Variants in PIP5K1C observed in about 807,000 individuals in gnomAD.
The protein encoded by PIP5K1C is phosphatidylinositol 4-phosphate 5-kinase type-1 gamma.
Under a neutral mutation model 80.1 loss-of-function variants are expected in PIP5K1C, and 45 were observed. That is an observed-to-expected ratio of 0.56 (90% CI 0.44 to 0.72). PIP5K1C has a LOEUF of 0.72. Among genes scored for constraint, PIP5K1C ranks in the 30% least tolerant of loss-of-function variants. PIP5K1C has a pLI of 0.00. For missense variants in PIP5K1C, 753 were observed against 954.6 expected (o/e 0.79, Z 2.78); for synonymous variants, 498 against 420.1 (o/e 1.19, Z -2.27).
rs978072943 is a variant in PIP5K1C at position 3,696,752 on chromosome 19, C to G, written c.94+3545G>C. Among the ~76,000 whole-genome samples the G allele has an allele frequency of 9.0e-6, 1 of 111,160 alleles. No homozygotes were observed. Among genetic ancestry groups the G allele is most frequent in the African/African-American group, 3.4e-5 (1 of 29,052 alleles). The allele number at this position is 111,160 out of a possible 152,430, so 72.9% of individuals were successfully genotyped here. A position where few individuals can be genotyped will look rare whatever the true frequency, so the allele number is the denominator to read the frequency against. On this transcript the variant is annotated intron_variant, in intron 1 of 17. Transcript: ENST00000335312. This position sits in a 1 kb window ranked among gnomAD's most constrained non-coding sequence, Gnocchi z 4.1. ...AGTGCGGAGGGGAGGGCAGGGAGGG[C>G]AGGGAGGGCCCGGGGCAGGCTGTGC...
intron 16 of PIP5K1C, chr19:3,636,833 C>T: frequency 1.0e-6 from 1 of 991,320 alleles, no homozygotes. Flanking sequence ...CTGTGCGGTG[C>T]TGGGCAGGTC....
rs141889838 is a variant in PIP5K1C, at chr19:3,651,992, G to A, written c.961C>T (p.Leu321=). ...SFKIMDYSLL[L]GVHNIDQHER... ...TGCTGGTCGATGTTGTGCACGCCCA[G>A]CAGCAGGCTGTAGTCCATGATCTTG... Residue 321 remains leucine (L), a synonymous_variant, in exon 8 of 18, where the codon CTG becomes TTG. Coordinates refer to ENST00000335312, the MANE Select transcript of PIP5K1C (RefSeq NM_012398.3). 4.3e-6 allele frequency: 7 copies of A among 1,613,086 alleles called. No homozygotes were observed. The highest frequency in any genetic ancestry group is 1.1e-5 in the South Asian group (1 of 91,094).
chr19:3,690,321 A>T (rs1294595932), intron 1 of PIP5K1C, among the ~76,000 whole-genome samples: 1 of 151,940 alleles, frequency 6.6e-6, no homozygotes. Context: ...ACATGGGAAG[A>T]CCCTGTCTCC....
chr19:3,633,205 G>A (rs2033522913), intron 17 of PIP5K1C, 36 bp from the exon 18 acceptor site: 1 of 756,432 alleles, frequency 1.3e-6, no homozygotes, highest in Non-Finnish European at 2.5e-6. Flanking sequence ...GGTGGGCGGG[G>A]CGAGGGCCCA....
rs558843100 is a variant in PIP5K1C, at chr19:3,660,067, G to C, written c.468+899C>G. 7.0e-4 allele frequency among the ~76,000 whole-genome samples: 107 copies of C among 152,278 alleles called. 1 individual carries two copies. The highest frequency in any genetic ancestry group is 2.4e-3 in the African/African-American group (101 of 41,554). On this transcript the variant is annotated intron_variant, in intron 5 of 17. Coordinates refer to ENST00000335312, the MANE Select transcript of PIP5K1C (RefSeq NM_012398.3). ...GTGGTGATGGCGCAGGTTGGATGCC[G>C]GGGCTCACGCCTGGAATCCCAGCAC... is the stretch of plus-strand genomic sequence containing the variant.
intron 11 of PIP5K1C, among the ~76,000 whole-genome samples, chr19:3,644,846 C>T (rs940150805): frequency 4.6e-5 from 7 of 152,198 alleles, no homozygotes; most frequent in Non-Finnish European, 4.4e-5. Context: ...TCACCAAGCT[C>T]TTGTGACCTC....
rs1252391771 is a variant in PIP5K1C, at chr19:3,648,543, T to C, written c.1211+82A>G. On this transcript the variant is annotated intron_variant, in intron 9 of 17. Transcript: ENST00000335312. This position sits in a 1 kb window ranked among gnomAD's most constrained non-coding sequence, Gnocchi z 4.3. The stretch of plus-strand genomic sequence containing the variant: ...GGCTGCAGACCCGGGCGCCCACCTG[T>C]GGGGCTGCAGACCCGGGCGCCCACC... 9.2e-7 allele frequency: 1 copy of C among 1,081,440 alleles called. No individual in the cohort carries two copies. Among genetic ancestry groups the C allele is most frequent in the Admixed American group, 1.8e-5 (1 of 56,416 alleles). 67.0% of individuals were successfully genotyped at this position (1,081,440 alleles called of 1,614,324 possible).
chr19:3,633,441 T>C lies in PIP5K1C; in HGVS notation c.2000A>G (p.Asp667Gly). ...QAPPASDGESDT is the reference protein window; with the variant it reads ...QAPPASDGESGT ...GTGCACCTGGGCTGCACTTACTGTG[T>C]CGCTCTCGCCGTCGGAGGCCGGGGG... Residue 667 changes from aspartate to glycine, a missense_variant, in exon 17 of 18, where the codon GAC becomes GGC. By Grantham distance (94) the Asp-to-Gly change is moderately conservative. Transcript: ENST00000335312. 1 of 1,495,654 alleles carries C rather than the reference T, an allele frequency of 6.7e-7. No homozygotes were observed. The highest frequency in any genetic ancestry group is 8.9e-7 in the Non-Finnish European group (1 of 1,119,828). The allele number at this position is 1,495,654 out of a possible 1,614,324, so 92.6% of individuals were successfully genotyped here. A position where few individuals can be genotyped will look rare whatever the true frequency, so the allele number is the denominator to read the frequency against.
chr19:3,675,268 A>G (rs191078137), intron 1 of PIP5K1C, among the ~76,000 whole-genome samples: 123 of 152,376 alleles, frequency 8.1e-4, no homozygotes, highest in African/African-American at 2.9e-3. Context: ...CCAGAAAAGC[A>G]AAATGAAGAT....
At chr19:3,650,903 T>C (rs1445983479) in intron 8 of PIP5K1C, among the ~76,000 whole-genome samples, 1 of 151,894 alleles carries the variant, frequency 6.6e-6, no homozygotes, top group African/African-American at 2.4e-5. Context: ...ATTACAGGCG[T>C]GCACCACCAC....
intron 1 of PIP5K1C, among the ~76,000 whole-genome samples, chr19:3,681,998 G>A (rs1226735308): frequency 6.6e-6 from 1 of 152,118 alleles, no homozygotes; most frequent in East Asian, 1.9e-4. Context: ...CCTGCTGCAC[G>A]CTGCATGCTG....
intron 1 of PIP5K1C, among the ~76,000 whole-genome samples, chr19:3,689,150 C>G (rs886087828): frequency 2.0e-5 from 3 of 152,166 alleles, no homozygotes; most frequent in Admixed American, 2.0e-4. Context: ...CTCAGCCTCC[C>G]AAAGTGCTGG....
chr19:3,666,095 A>G (rs1290051861), intron 2 of PIP5K1C, among the ~76,000 whole-genome samples: 1 of 152,016 alleles, frequency 6.6e-6, no homozygotes, highest in East Asian at 1.9e-4. Flanking sequence ...CACCCTCCAC[A>G]CTGCCCCCAC....
At chr19:3,668,567 C>A (rs1235863161) in intron 1 of PIP5K1C, 1 of 152,258 alleles carries the variant, frequency 6.6e-6, no homozygotes, top group Non-Finnish European at 1.5e-5. Flanking sequence ...TTGACTTTAG[C>A]CTGGTGAGGC....
chr19:3,665,071 G>A (rs907589435), intron 2 of PIP5K1C, among the ~76,000 whole-genome samples, 157 bp from the exon 3 acceptor site: 3 of 152,184 alleles, frequency 2.0e-5, no homozygotes, highest in Non-Finnish European at 4.4e-5. Flanking sequence ...TGCAGCAGGA[G>A]GCCCCTCACC....
intron 1 of PIP5K1C, among the ~76,000 whole-genome samples, chr19:3,683,414 C>T (rs1399191547): frequency 6.6e-6 from 1 of 152,200 alleles, no homozygotes; most frequent in Admixed American, 6.5e-5. Context: ...CACTGAGCCA[C>T]CCTGGAACAG....
intron 16 of PIP5K1C, among the ~76,000 whole-genome samples, chr19:3,638,272 G>A (rs1198945495): frequency 6.6e-6 from 1 of 152,168 alleles, no homozygotes; most frequent in East Asian, 1.9e-4. Context: ...ACCCTGGCAA[G>A]GGAGAGCAGG....
At position 3,637,934 on chromosome 19, in the gene PIP5K1C, AGGGGCACAGGCACGCGGCCC is replaced by A; in HGVS notation, c.1920+930_1920+949del. The A allele has an allele frequency of 6.5e-7, 1 of 1,535,188 alleles. No individual in the cohort carries two copies. Among genetic ancestry groups the A allele is most frequent in the East Asian group, 2.4e-5 (1 of 40,904 alleles). On this transcript the variant is annotated intron_variant, in intron 16 of 17. Coordinates refer to ENST00000335312, the MANE Select transcript of PIP5K1C (RefSeq NM_012398.3). The surrounding 1 kb of genome is among the most constrained non-coding windows in gnomAD (Gnocchi z 7.0). ...AAAGGGGTGACGACGTGCGGTGGGT[AGGGGCACAGGCACGCGGCCC>A]GTCCCTCCCTTCTCCAGGGCCAGGT...
At chr19:3,698,750 T>C (rs1463975656) in intron 1 of PIP5K1C, among the ~76,000 whole-genome samples, 1 of 152,094 alleles carries the variant, frequency 6.6e-6, no homozygotes, top group Non-Finnish European at 1.5e-5. Flanking sequence ...CACGTCTCTG[T>C]GGCCCAGCCA....
Sources: allele counts gnomAD v4.1 joint callset (sites outside exome capture counted in the v4.1 genomes callset), GRCh38; gene constraint gnomAD v4.1.1; non-coding constraint Gnocchi (gnomAD v3.1); transcripts MANE v1.5; gene names NCBI Gene and HGNC (gene_info 2026-07-23, HGNC 2026-07-21).